Variants in TCF12 observed in about 807,000 individuals in gnomAD.
TCF12 encodes transcription factor 12.
A neutral mutation model predicts 86.0 loss-of-function variants in TCF12; 45 were observed. The observed-to-expected ratio is 0.52, with a 90% CI of 0.41 to 0.67. TCF12 has a LOEUF of 0.67. TCF12 is among the 30% of genes least tolerant of loss of function. The pLI is 0.00. For missense variants in TCF12, 881 were observed against 859.9 expected, an observed-to-expected ratio of 1.02 and a Z score of -0.31; for synonymous variants, 330 against 299.6, an observed-to-expected ratio of 1.10 and a Z score of -1.05.
intron 3 of TCF12, among the ~76,000 whole-genome samples, chr15:57,006,326 T>G (rs2064369529): frequency 6.6e-6 from 1 of 151,800 alleles, no homozygotes; most frequent in Non-Finnish European, 1.5e-5. Context: ...TTTTTTGAGA[T>G]GGAGTTTCGC....
chr15:57,243,688 G>C lies in TCF12; in HGVS notation c.1114+138G>C, dbSNP rs535795865. 57 of 661,004 alleles carry C rather than the reference G, an allele frequency of 8.6e-5. No individual in the cohort carries two copies. The South Asian group carries it at 1.3e-3, about 15-fold the overall frequency. 40.9% of individuals were successfully genotyped at this position (661,004 alleles called of 1,614,324 possible). ...GACTATAAGAAAGTGTGTAAAGAGAGCCTTCCTCTTGAATTCATTTTGGAG... is the reference window on the plus strand; with the variant it reads ...GACTATAAGAAAGTGTGTAAAGAGACCCTTCCTCTTGAATTCATTTTGGAG... On this transcript the variant is annotated intron_variant, in intron 13 of 20. Coordinates refer to ENST00000333725, the MANE Select transcript of TCF12 (RefSeq NM_207037.2).
intron 3 of TCF12, among the ~76,000 whole-genome samples, chr15:56,993,327 A>C (rs1322630033): frequency 6.6e-6 from 1 of 152,198 alleles, no homozygotes; most frequent in Admixed American, 6.5e-5. Context: ...GCAGGAGCCC[A>C]TGGTCAAAAC....
At chr15:57,099,455 T>TA (rs1290569400) in intron 5 of TCF12, among the ~76,000 whole-genome samples, 6 of 152,164 alleles carry the variant, frequency 3.9e-5, no homozygotes, top group East Asian at 3.9e-4. Context: ...ATTTGAATTT[T>TA]AAAAAAATAT....
intron 3 of TCF12, among the ~76,000 whole-genome samples, chr15:57,030,094 C>T (rs2066065634): frequency 6.6e-6 from 1 of 152,000 alleles, no homozygotes; most frequent in African/African-American, 2.4e-5. Flanking sequence ...TTTCAAATCT[C>T]ACCTGGGAAT....
intron 5 of TCF12, among the ~76,000 whole-genome samples, chr15:57,108,657 G>T (rs2050289489): frequency 6.6e-6 from 1 of 151,792 alleles, no homozygotes; most frequent in African/African-American, 2.4e-5. Flanking sequence ...GAGGCTCTTG[G>T]TGTGGGGGTG....
intron 4 of TCF12, among the ~76,000 whole-genome samples, chr15:57,077,226 A>G (rs574890931): frequency 2.6e-5 from 4 of 152,022 alleles, no homozygotes; most frequent in Non-Finnish European, 4.4e-5. Flanking sequence ...TTGAGTCTGT[A>G]GATCAGTTGG....
intron 8 of TCF12, among the ~76,000 whole-genome samples, chr15:57,205,845 G>A (rs2057784074): frequency 1.3e-5 from 2 of 152,184 alleles, no homozygotes; most frequent in Non-Finnish European, 2.9e-5. Flanking sequence ...TGTCTTTGAT[G>A]TAATTTCAAA....
At chr15:57,086,636 C>T (rs1050204167) in intron 4 of TCF12, among the ~76,000 whole-genome samples, 1 of 142,446 alleles carries the variant, frequency 7.0e-6, no homozygotes, top group Non-Finnish European at 1.5e-5. Flanking sequence ...GCAATTTGGT[C>T]TTGTTAGGGT....
At chr15:56,921,851 C>CTTT (rs2059807263) in intron 3 of TCF12, among the ~76,000 whole-genome samples, 1 of 151,966 alleles carries the variant, frequency 6.6e-6, no homozygotes, top group African/African-American at 2.4e-5. Context: ...ACCACCTAAA[C>CTTT]ACTTTATACC....
At chr15:57,225,691 A>C (rs1284530494) in intron 8 of TCF12, among the ~76,000 whole-genome samples, 1 of 152,028 alleles carries the variant, frequency 6.6e-6, no homozygotes, top group Non-Finnish European at 1.5e-5. Flanking sequence ...TCTTCCTAGC[A>C]CTCTAATACA....
At chr15:57,000,575 A>C (rs1270390542) in intron 3 of TCF12, among the ~76,000 whole-genome samples, 1 of 152,108 alleles carries the variant, frequency 6.6e-6, no homozygotes, top group African/African-American at 2.4e-5. Context: ...CCACCTTAGG[A>C]AGCTAATGAA....
chr15:57,072,921 A>C (rs1047624339), intron 4 of TCF12, among the ~76,000 whole-genome samples: 2 of 152,240 alleles, frequency 1.3e-5, no homozygotes, highest in African/African-American at 2.4e-5. Context: ...ATTATAACCT[A>C]AATGTTTTTG....
At chr15:57,247,403 T>G in intron 13 of TCF12, 1 of 678,324 alleles carries the variant, frequency 1.5e-6, no homozygotes, top group Non-Finnish European at 2.7e-6. Flanking sequence ...GATCTACCTC[T>G]GTGACCTCTG....
intron 6 of TCF12, among the ~76,000 whole-genome samples, chr15:57,190,493 A>G (rs1348064651): frequency 6.6e-6 from 1 of 152,110 alleles, no homozygotes; most frequent in East Asian, 1.9e-4. Context: ...GGATTCGTAA[A>G]TGTACCAGAG....
intron 3 of TCF12, among the ~76,000 whole-genome samples, chr15:56,946,247 T>C (rs1216972551): frequency 6.6e-6 from 1 of 152,194 alleles, no homozygotes; most frequent in Non-Finnish European, 1.5e-5. Context: ...ATTAGCACTC[T>C]TGATACTGTT....
At chr15:56,939,649 T>A (rs1420902593) in intron 3 of TCF12, among the ~76,000 whole-genome samples, 1 of 152,212 alleles carries the variant, frequency 6.6e-6, no homozygotes, top group African/African-American at 2.4e-5. Context: ...GGTAACTGGC[T>A]ATTTGATTTA....
intron 5 of TCF12, chr15:57,118,569 C>T (rs563045599): frequency 6.6e-6 from 1 of 152,230 alleles, no homozygotes; most frequent in African/African-American, 2.4e-5. Flanking sequence ...TCTGAACTTG[C>T]CTGTGGAAAA....
chr15:57,258,948 A>T (rs1430938437), intron 16 of TCF12, among the ~76,000 whole-genome samples: 1 of 152,178 alleles, frequency 6.6e-6, no homozygotes, highest in Non-Finnish European at 1.5e-5. Flanking sequence ...CCATTTGGAC[A>T]GTATTTAATT....
intron 5 of TCF12, among the ~76,000 whole-genome samples, chr15:57,106,576 C>T (rs1456725455): frequency 2.6e-5 from 4 of 152,122 alleles, no homozygotes; most frequent in African/African-American, 9.7e-5. Flanking sequence ...TATTTTGTAC[C>T]TTGTGCCTGT....
Sources: gnomAD v4.1 joint callset for allele counts (sites outside exome capture counted in the v4.1 genomes callset) on GRCh38, gnomAD v4.1.1 for gene constraint, MANE v1.5 for transcripts, NCBI Gene and HGNC (gene_info 2026-07-23, HGNC 2026-07-21) for gene names.